The following ATP8A2 variants were observed in gnomAD, a reference collection of about 807,000 sequenced individuals.
ATP8A2 encodes ATPase phospholipid transporting 8A2, also known as phospholipid-transporting ATPase IB.
ATP8A2 carries 100 observed loss-of-function variants against 165.6 expected under a neutral mutation model. The ratio of observed to expected loss-of-function variants is 0.60; its 90% CI spans 0.51 to 0.71. The LOEUF (loss-of-function observed/expected upper bound fraction) is 0.71. Ranked by LOEUF, ATP8A2 falls within the 30% of genes least tolerant of loss-of-function variation. The probability of loss-of-function intolerance (pLI) is 0.00; values close to 1 mark genes in which losing one functional copy is unlikely to be tolerated. For missense variants in ATP8A2, 1,227 were observed against 1,479.5 expected (o/e 0.83, Z 2.80); for synonymous variants, 543 against 548.8 (o/e 0.99, Z 0.15).
Position 25,786,746 on chromosome 13 carries a change from A to T in ATP8A2, c.2679+11787A>T, listed in dbSNP as rs1233282805. Among the ~76,000 whole-genome samples, 6 of 142,118 alleles carry T rather than the reference A, an allele frequency of 4.2e-5. No individual in the cohort carries two copies. The Admixed American group carries it at 4.6e-4, about 11-fold the overall frequency. 93.2% of individuals were successfully genotyped at this position (142,118 alleles called of 152,430 possible). A position where few individuals can be genotyped will look rare whatever the true frequency, so the allele number is the denominator to read the frequency against. On this transcript the variant is annotated intron_variant, in intron 27 of 36. Transcript: ENST00000381655. Reference sequence around the variant, plus strand: ...GTAAAATTAACCCTTTTTAATGCACAATTCTATGTTTTTTTTTTTTTTTTT... The same window carrying T: ...GTAAAATTAACCCTTTTTAATGCACTATTCTATGTTTTTTTTTTTTTTTTT...
intron 4 of ATP8A2, 33 bp downstream of exon 4, chr13:25,530,693 G>C (rs192804534): frequency 8.2e-5 from 104 of 1,263,282 alleles, no homozygotes; most frequent in Non-Finnish European, 1.1e-4. Context: ...TAAAATCATT[G>C]TATGCAGTAG....
chr13:25,950,629 T>G (rs1593611932), intron 33 of ATP8A2: 2 of 152,356 alleles, frequency 1.3e-5, no homozygotes, highest in East Asian at 3.9e-4. Flanking sequence ...ATGTCCTGAA[T>G]GGAGAGGGAG....
intron 1 of ATP8A2, among the ~76,000 whole-genome samples, chr13:25,457,703 G>A (rs2035400480): frequency 6.6e-6 from 1 of 152,218 alleles, no homozygotes; most frequent in Non-Finnish European, 1.5e-5. Context: ...GGTTGTGGAG[G>A]CCTTGGATTC....
chr13:25,961,700 C>A, intron 34 of ATP8A2, 37 bp downstream of exon 34: 2 of 1,452,494 alleles, frequency 1.4e-6, no homozygotes, highest in Non-Finnish European at 1.9e-6. Context: ...CTAAGTCTGG[C>A]TCATCTGTCC....
At chr13:25,395,116 C>A (rs1032696528) in intron 1 of ATP8A2, among the ~76,000 whole-genome samples, 1 of 152,100 alleles carries the variant, frequency 6.6e-6, no homozygotes, top group Non-Finnish European at 1.5e-5. Flanking sequence ...ATTTGCATGT[C>A]TTTTCTTCTC....
At chr13:25,958,732 A>G (rs1955591111) in intron 33 of ATP8A2, among the ~76,000 whole-genome samples, 1 of 152,196 alleles carries the variant, frequency 6.6e-6, no homozygotes, top group Non-Finnish European at 1.5e-5. Flanking sequence ...AAAATTAGTT[A>G]TGTGTGTCAC....
chr13:25,793,035 G>GGAGAA lies in ATP8A2; in HGVS notation c.2679+18095_2679+18099dup, dbSNP rs369418002. Among the ~76,000 whole-genome samples the GGAGAA allele has an allele frequency of 7.5e-3, 911 of 121,584 alleles. 12 individuals carry two copies. The highest frequency in any genetic ancestry group is 0.024 in the African/African-American group (844 of 34,894). 79.8% of individuals were successfully genotyped at this position (121,584 alleles called of 152,430 possible). ...GCAGGAGAGAAGAGAGGAGAAGAGA[G>GGAGAA]GAGAAGAGAAGAGAAGAGAAGAGCA... On this transcript the variant is annotated intron_variant, in intron 27 of 36. Coordinates refer to ENST00000381655, the MANE Select transcript of ATP8A2 (RefSeq NM_016529.6).
chr13:25,561,346 T>A (rs1392645183), intron 15 of ATP8A2, among the ~76,000 whole-genome samples: 9 of 152,186 alleles, frequency 5.9e-5, no homozygotes, highest in African/African-American at 2.2e-4. Context: ...AGTTTTGTTA[T>A]CGTTCTGTCT....
intron 35 of ATP8A2, among the ~76,000 whole-genome samples, chr13:25,991,728 T>A (rs1460848274): frequency 3.3e-5 from 5 of 152,212 alleles, no homozygotes; most frequent in Non-Finnish European, 7.3e-5. Flanking sequence ...TACCACGCGT[T>A]GCTTGACCAT....
chr13:25,758,457 A>G (rs2044310330), intron 25 of ATP8A2, among the ~76,000 whole-genome samples: 2 of 152,238 alleles, frequency 1.3e-5, no homozygotes, highest in African/African-American at 4.8e-5. Flanking sequence ...TTCAGATCAG[A>G]CTTTGTCCAA....
chr13:25,579,010 G>A, intron 21 of ATP8A2, 111 bp downstream of exon 21: 1 of 756,802 alleles, frequency 1.3e-6, no homozygotes, highest in Non-Finnish European at 2.3e-6. Context: ...CCCCTCCTGT[G>A]CCCATGGCAG....
intron 24 of ATP8A2, among the ~76,000 whole-genome samples, chr13:25,653,934 A>C (rs1427083971): frequency 2.6e-5 from 4 of 152,050 alleles, no homozygotes; most frequent in African/African-American, 2.4e-5. Flanking sequence ...GATGCTGGCG[A>C]GAGAGAGAGA....
rs1566230250 is a variant in ATP8A2, at chr13:25,531,398, T to TATATATGATTATATATATGA, written c.420+738_420+739insATATATGATTATATATATGA. On this transcript the variant is annotated intron_variant, in intron 4 of 36. Coordinates refer to ENST00000381655, the MANE Select transcript of ATP8A2 (RefSeq NM_016529.6). ...TGTTATATATATGATATATATATGA[T>TATATATGATTATATATATGA]TATATATATGATTATATATATGATA... 5.7e-4 allele frequency among the ~76,000 whole-genome samples: 50 copies of TATATATGATTATATATATGA among 87,296 alleles called. 3 individuals are homozygous for TATATATGATTATATATATGA. The highest frequency in any genetic ancestry group is 5.6e-3 in the Middle Eastern group (1 of 180). The allele number at this position is 87,296 out of a possible 152,430, so 57.3% of individuals were successfully genotyped here.
chr13:25,827,453 C>A (rs1448756618), intron 27 of ATP8A2, among the ~76,000 whole-genome samples: 1 of 152,202 alleles, frequency 6.6e-6, no homozygotes, highest in East Asian at 1.9e-4. Flanking sequence ...CTAATTATAT[C>A]CTGGCACTTG....
At chr13:25,650,270 T>A (rs577805936) in intron 24 of ATP8A2, among the ~76,000 whole-genome samples, 57 of 152,186 alleles carry the variant, frequency 3.7e-4, no homozygotes, top group Non-Finnish European at 6.8e-4. Flanking sequence ...AAGGCGTTCT[T>A]GTCTGTGGAT....
At position 25,671,315 on chromosome 13, in the gene ATP8A2, C is replaced by T. The variant is rs373120211; in HGVS notation, c.2212-27858C>T. Among the ~76,000 whole-genome samples, 3 of 152,162 alleles carry T rather than the reference C, an allele frequency of 2.0e-5. No homozygotes were observed. In the East Asian group the frequency reaches 5.8e-4, roughly 29 times the overall value. On this transcript the variant is annotated intron_variant, in intron 24 of 36. Transcript: ENST00000381655. ...AATTGCATTAACTGTACAAATTGTA[C>T]AGCATGTGTGTTTGAGCAGTATGAA...
chr13:25,536,638 G>A (rs919773414), intron 6 of ATP8A2, among the ~76,000 whole-genome samples: 33 of 152,208 alleles, frequency 2.2e-4, no homozygotes, highest in African/African-American at 7.7e-4. Flanking sequence ...CACAAGTTTC[G>A]TATCACTTGA....
At chr13:25,798,714 A>C (rs959445046) in intron 27 of ATP8A2, among the ~76,000 whole-genome samples, 1 of 152,190 alleles carries the variant, frequency 6.6e-6, no homozygotes, top group African/African-American at 2.4e-5. Context: ...CTTTAGATTC[A>C]AGCTCCAGTT....
intron 33 of ATP8A2, among the ~76,000 whole-genome samples, chr13:25,869,693 G>A (rs1277217822): frequency 6.6e-6 from 1 of 152,204 alleles, no homozygotes; most frequent in Non-Finnish European, 1.5e-5. Flanking sequence ...AAGTTCTCTT[G>A]TCCCCCTGGC....
Sources: allele counts gnomAD v4.1 joint callset (sites outside exome capture counted in the v4.1 genomes callset), GRCh38; gene constraint gnomAD v4.1.1; transcripts MANE v1.5; gene names NCBI Gene and HGNC (gene_info 2026-07-23, HGNC 2026-07-21).